SLC27A6: variants seen among roughly 807,000 people sequenced by gnomAD.
SLC27A6 encodes the protein long-chain fatty acid transport protein 6.
SLC27A6 carries 74 observed loss-of-function variants against 63.9 expected under a neutral mutation model. That is an observed-to-expected ratio of 1.16 (90% CI 0.96 to 1.40). SLC27A6 has a LOEUF of 1.40. Ranked by LOEUF, SLC27A6 falls within the 40% of genes most tolerant of loss-of-function variation. The pLI, the probability that SLC27A6 is intolerant of heterozygous loss-of-function variation, is 0.00. For synonymous variants in SLC27A6, 287 were observed against 260.8 expected, an observed-to-expected ratio of 1.10 and a Z score of -0.97; for missense variants, 794 against 732.9, an observed-to-expected ratio of 1.08 and a Z score of -0.96.
At chr5:129,002,280 T>C (rs887466206) in intron 4 of SLC27A6, among the ~76,000 whole-genome samples, 1 of 152,238 alleles carries the variant, frequency 6.6e-6, no homozygotes, top group Non-Finnish European at 1.5e-5. Context: ...AAAACTGAAA[T>C]ATTCCAGTAC....
At chr5:128,994,994 C>T (rs1201844807) in intron 4 of SLC27A6, among the ~76,000 whole-genome samples, 1 of 152,174 alleles carries the variant, frequency 6.6e-6, no homozygotes, top group Non-Finnish European at 1.5e-5. Context: ...AGACTGACTC[C>T]TGTTAGTCAT....
chr5:129,028,321 T>A (rs1215342830), intron 7 of SLC27A6, 24 bp from the exon 8 acceptor site: 1 of 1,518,530 alleles, frequency 6.6e-7, no homozygotes, highest in East Asian at 2.3e-5. Context: ...GTGCACTAAC[T>A]GGAATTTGAT....
chr5:129,028,433 G>A lies in SLC27A6; in HGVS notation c.1543G>A (p.Ala515Thr). 2 of 1,578,326 alleles carry A rather than the reference G, an allele frequency of 1.3e-6. No homozygotes were observed. The highest frequency in any genetic ancestry group is 8.7e-7 in the Non-Finnish European group (1 of 1,150,078). The stretch of plus-strand genomic sequence containing the variant: ...ACAGGAAGCAAACGTCTATGGTGTG[G>A]CTATATCAGGTATAAATATATTTCA... The part of the protein sequence containing the change: ...FIQEANVYGV[A>T]ISGYEGRAGM... Residue 515 changes from alanine (A) to threonine (T), a missense_variant, in exon 8 of 10, where the codon GCT becomes ACT. Ala to Thr is a moderately conservative substitution (Grantham distance 58). Coordinates refer to ENST00000262462, the MANE Select transcript of SLC27A6 (RefSeq NM_001017372.3).
chr5:128,983,138 A>T (rs1366669803), intron 1 of SLC27A6, among the ~76,000 whole-genome samples: 1 of 152,190 alleles, frequency 6.6e-6, no homozygotes, highest in Non-Finnish European at 1.5e-5. Flanking sequence ...TTCCAGGGAA[A>T]TGTTTAATGC....
Position 128,975,311 on chromosome 5 carries a change from A to C in SLC27A6, c.481+8693A>C, listed in dbSNP as rs1011520753. ...GATTACAGTGAGCTGAGATCGTGCA[A>C]CTACACTCCGGTCTGGGGAATAGAG... On this transcript the variant is annotated intron_variant, in intron 1 of 9. Coordinates refer to ENST00000262462, the MANE Select transcript of SLC27A6 (RefSeq NM_001017372.3). Among the ~76,000 whole-genome samples, 18 of 152,244 alleles carry C rather than the reference A, an allele frequency of 1.2e-4. 1 individual carries two copies. The highest frequency in any genetic ancestry group is 1.1e-3 in the Admixed American group (17 of 15,284).
At chr5:129,017,289 C>T (rs899197266) in intron 5 of SLC27A6, among the ~76,000 whole-genome samples, 1 of 151,676 alleles carries the variant, frequency 6.6e-6, no homozygotes, top group Non-Finnish European at 1.5e-5. Flanking sequence ...TTTTAAAAGA[C>T]AACTAGATAA....
At chr5:128,990,708 G>T (rs1750949387) in intron 4 of SLC27A6, among the ~76,000 whole-genome samples, 1 of 152,178 alleles carries the variant, frequency 6.6e-6, no homozygotes, top group African/African-American at 2.4e-5. Context: ...GGAACCTTGG[G>T]CCATGCGGTG....
chr5:128,984,341 C>A (rs907937530), intron 1 of SLC27A6, among the ~76,000 whole-genome samples: 4 of 152,158 alleles, frequency 2.6e-5, no homozygotes, highest in African/African-American at 9.7e-5. Context: ...TTCTGTCTCT[C>A]TTGTTTTCAC....
chr5:128,988,172 A>G (rs746855414), intron 2 of SLC27A6, among the ~76,000 whole-genome samples: 27 of 152,222 alleles, frequency 1.8e-4, no homozygotes, highest in Non-Finnish European at 3.4e-4. Context: ...CTACTTACCT[A>G]GAATTCTTTA....
Position 128,985,303 on chromosome 5 carries a change from A to G in SLC27A6, c.652A>G (p.Thr218Ala), listed in dbSNP as rs923060456. ...CCATGTTGTCTCACTCCTCAAGTCT[A>G]CTTGTCTTTACATTTTTACCTCTGG... ...SHHVVSLLKS[T>A]CLYIFTSGTT... Residue 218 changes from threonine to alanine, a missense_variant, in exon 2 of 10, where the codon ACT becomes GCT. Physicochemically the swap from Thr to Ala is moderately conservative, Grantham distance 58. Coordinates refer to ENST00000262462, the MANE Select transcript of SLC27A6 (RefSeq NM_001017372.3). 4 of 1,614,056 alleles carry G rather than the reference A, an allele frequency of 2.5e-6. No individual in the cohort carries two copies. Among genetic ancestry groups the G allele is most frequent in the South Asian group, 2.2e-5 (2 of 91,076 alleles).
intron 4 of SLC27A6, among the ~76,000 whole-genome samples, chr5:129,006,084 T>G (rs1207290990): frequency 2.5e-5 from 3 of 120,908 alleles, no homozygotes. Context: ...TTTTTTTTTT[T>G]TTTTTTTTTT....
intron 2 of SLC27A6, among the ~76,000 whole-genome samples, chr5:128,987,030 T>A (rs1174214996): frequency 6.6e-6 from 1 of 152,166 alleles, no homozygotes; most frequent in African/African-American, 2.4e-5. Flanking sequence ...TCCACCCTGA[T>A]AGAAGTCCTG....
chr5:128,978,941 CATG>C (rs1750485513), intron 1 of SLC27A6, among the ~76,000 whole-genome samples: 2 of 152,036 alleles, frequency 1.3e-5, no homozygotes, highest in South Asian at 4.2e-4. Context: ...AGTACAGTAA[CATG>C]GTGTACAGGT....
rs546123620 is a variant in SLC27A6 at position 129,017,662 on chromosome 5, A to G, written c.1164+1583A>G. Among the ~76,000 whole-genome samples the G allele has an allele frequency of 5.3e-5, 8 of 152,286 alleles. No homozygotes were observed. In the South Asian group the frequency reaches 1.7e-3, roughly 32 times the overall value. The stretch of plus-strand genomic sequence containing the variant: ...GCACAAATAATATCAGGAATGGAAA[A>G]GGGAACATTGCTGCTGATACTTTAG... On this transcript the variant is annotated intron_variant, in intron 5 of 9. Coordinates refer to ENST00000262462, the MANE Select transcript of SLC27A6 (RefSeq NM_001017372.3).
chr5:128,975,908 C>T (rs371031357), intron 1 of SLC27A6, among the ~76,000 whole-genome samples: 2 of 152,124 alleles, frequency 1.3e-5, no homozygotes, highest in African/African-American at 2.4e-5. Context: ...GAAGAAACCA[C>T]GCATTATCAG....
rs566406609 is a variant in SLC27A6 at position 128,971,402 on chromosome 5, T to C, written c.481+4784T>C. Reference sequence around the variant, plus strand: ...TATTGTTTGGGGGTCTAAGTCTCTTTGTAGTTCTCTAAGGACTTGCTTTAT... The same window carrying C: ...TATTGTTTGGGGGTCTAAGTCTCTTCGTAGTTCTCTAAGGACTTGCTTTAT... On this transcript the variant is annotated intron_variant, in intron 1 of 9. Transcript: ENST00000262462. Among the ~76,000 whole-genome samples, 186 of 152,234 alleles carry C rather than the reference T, an allele frequency of 1.2e-3. 1 individual carries two copies. The highest frequency in any genetic ancestry group is 2.0e-3 in the Non-Finnish European group (134 of 68,004).
intron 4 of SLC27A6, among the ~76,000 whole-genome samples, chr5:128,994,066 G>C (rs569456384): frequency 6.6e-6 from 1 of 152,106 alleles, no homozygotes; most frequent in Non-Finnish European, 1.5e-5. Context: ...TACTCGGGAG[G>C]CTGAGGCAGG....
intron 4 of SLC27A6, 129 bp downstream of exon 4, chr5:128,990,593 A>T: frequency 1.1e-6 from 1 of 952,200 alleles, no homozygotes; most frequent in Non-Finnish European, 1.5e-6. Context: ...AGAGCTTCCA[A>T]GATAGTGGCA....
At chr5:128,969,686 A>G (rs889517261) in intron 1 of SLC27A6, among the ~76,000 whole-genome samples, 3 of 152,180 alleles carry the variant, frequency 2.0e-5, no homozygotes, top group South Asian at 2.1e-4. Flanking sequence ...GGTTCTCTAA[A>G]TATACAATCA....
Sources: gnomAD v4.1 joint callset for allele counts (sites outside exome capture counted in the v4.1 genomes callset) on GRCh38, gnomAD v4.1.1 for gene constraint, MANE v1.5 for transcripts, NCBI Gene and HGNC (gene_info 2026-07-23, HGNC 2026-07-21) for gene names.